VPS25: variants seen among roughly 807,000 people sequenced by gnomAD.
VPS25 encodes vacuolar protein-sorting-associated protein 25.
VPS25 carries 21 observed loss-of-function variants against 30.3 expected under a neutral mutation model. The observed-to-expected ratio is 0.69, with a 90% CI of 0.49 to 1.00. The LOEUF is 1.00. VPS25 is among the 50% of genes least tolerant of loss of function. The pLI, the probability that VPS25 is intolerant of heterozygous loss-of-function variation, is 0.00. For synonymous variants in VPS25, 101 were observed against 88.1 expected, an observed-to-expected ratio of 1.15 and a Z score of -0.82; for missense variants, 156 against 217.2, an observed-to-expected ratio of 0.72 and a Z score of 1.77.
At chr17:42,778,455 G>A (rs1227347362) in intron 5 of VPS25, among the ~76,000 whole-genome samples, 2 of 152,154 alleles carry the variant, frequency 1.3e-5, no homozygotes, top group Non-Finnish European at 2.9e-5. Context: ...AAAGTTCTGG[G>A]ATTACAGGCG....
chr17:42,775,787 A>C (rs3826328), intron 4 of VPS25, among the ~76,000 whole-genome samples: 1,699 of 152,290 alleles, frequency 0.011, 56 homozygotes, highest in South Asian at 0.1. Flanking sequence ...AAGGAAGGGA[A>C]AAAACCTGGG....
chr17:42,776,746 C>T (rs539668356), intron 5 of VPS25, among the ~76,000 whole-genome samples: 7 of 151,958 alleles, frequency 4.6e-5, no homozygotes, highest in South Asian at 4.2e-4. Flanking sequence ...CTGCAACCTC[C>T]GCCTCCTATG....
At chr17:42,773,634 GCCAACA>G in intron 1 of VPS25, 93 bp from the exon 2 acceptor site, 1 of 1,605,380 alleles carries the variant, frequency 6.2e-7, no homozygotes, top group Non-Finnish European at 8.5e-7. Flanking sequence ...AGACCCGTCG[GCCAACA>G]CCCTCAGTCC....
Position 42,778,903 on chromosome 17 carries a change from C to CA in VPS25, c.419-53dup. On this transcript the variant is annotated intron_variant, in intron 5 of 5. Coordinates refer to ENST00000253794, the MANE Select transcript of VPS25 (RefSeq NM_032353.4). ...CGGCTTCCAGCCAGAGCACTCTCCT[C>CA]AGAGGCCTTGGGCCTCAGGAGCTGA... is the stretch of plus-strand genomic sequence containing the variant. 5.1e-6 allele frequency: 8 copies of CA among 1,563,860 alleles called. 1 individual carries two copies. The South Asian group carries it at 9.0e-5, about 18-fold the overall frequency.
At chr17:42,774,372 C>CTTTTTTTTT (rs1161401913) in intron 2 of VPS25, 2 of 219,676 alleles carry the variant, frequency 9.1e-6, no homozygotes, top group African/African-American at 2.6e-5. Context: ...TTCTTTCTTT[C>CTTTTTTTTT]TTTTTTTTTT....
chr17:42,773,484 G>C lies in VPS25; in HGVS notation c.9G>C (p.Met3Ile). 1 of 1,614,216 alleles carries C rather than the reference G, an allele frequency of 6.2e-7. No homozygotes were observed. The highest frequency in any genetic ancestry group is 8.5e-7 in the Non-Finnish European group (1 of 1,180,038). Residue 3 changes from methionine (M) to isoleucine (I), a missense_variant, in exon 1 of 6, where the codon ATG becomes ATC. Physicochemically the swap from Met to Ile is conservative, Grantham distance 10 (BLOSUM62 1). Coordinates refer to ENST00000253794, the MANE Select transcript of VPS25 (RefSeq NM_032353.4). MA[M>I]SFEWPWQYRF... ...TTTCCTGGGCTACTACGATGGCGAT[G>C]AGTTTCGAGTGGCCGTGGCAGTATC...
chr17:42,773,677 G>C lies in VPS25; in HGVS notation c.54-56G>C, dbSNP rs1042896248. 4 of 1,605,062 alleles carry C rather than the reference G, an allele frequency of 2.5e-6. No individual in the cohort carries two copies. The African/African-American group carries it at 5.3e-5, about 21-fold the overall frequency. ...TTACTTTCTTCCTGAAATGCGTCCC[G>C]GGCAAGTGCTGCCTCCCGCCCTCTA... On this transcript the variant is annotated intron_variant, in intron 1 of 5. Coordinates refer to ENST00000253794, the MANE Select transcript of VPS25 (RefSeq NM_032353.4).
At chr17:42,776,353 TTTTTGTTTTG>T (rs370422564) in intron 5 of VPS25, 33 bp downstream of exon 5, 2 of 1,602,598 alleles carry the variant, frequency 1.2e-6, no homozygotes, top group Admixed American at 3.4e-5. Context: ...CATAGTTAAT[TTTTTGTTTTG>T]TTTTGTTTTG....
At chr17:42,774,405 C>A in intron 2 of VPS25, 5 of 314,760 alleles carry the variant, frequency 1.6e-5, no homozygotes, top group East Asian at 4.6e-5. Flanking sequence ...ACAGGGTCTT[C>A]CTCTCTTGCT....
At chr17:42,774,406 C>A in intron 2 of VPS25, 1 of 363,152 alleles carries the variant, frequency 2.8e-6, no homozygotes, top group Non-Finnish European at 4.9e-6. Context: ...CAGGGTCTTC[C>A]TCTCTTGCTC....
Position 42,777,081 on chromosome 17 carries a change from T to C in VPS25, c.418+761T>C, listed in dbSNP as rs546385694. On this transcript the variant is annotated intron_variant, in intron 5 of 5. Transcript: ENST00000253794. ...AAAAAATTTAAAAATCAGCTGGGCA[T>C]GGTGCTGTGCACCAGTAGTCTCAGT... Among the ~76,000 whole-genome samples the C allele has an allele frequency of 2.2e-4, 33 of 152,192 alleles. 1 individual carries two copies. In the South Asian group the frequency reaches 6.4e-3, roughly 30 times the overall value.
At chr17:42,775,057 G>A in intron 3 of VPS25, 1 of 352,212 alleles carries the variant, frequency 2.8e-6, no homozygotes, top group African/African-American at 2.1e-5. Flanking sequence ...TTTTTTTTTG[G>A]GTGGGGAGAT....
chr17:42,776,153 T>A, intron 4 of VPS25, 92 bp from the exon 5 acceptor site: 1 of 1,120,468 alleles, frequency 8.9e-7, no homozygotes, highest in African/African-American at 1.5e-5. Flanking sequence ...GGAATAGGTA[T>A]CATTCCTGGA....
intron 2 of VPS25, 99 bp from the exon 3 acceptor site, chr17:42,774,547 G>A: frequency 2.2e-6 from 2 of 906,362 alleles, no homozygotes; most frequent in Non-Finnish European, 3.6e-6. Flanking sequence ...ATATGTGTGT[G>A]GGAGAGGAAG....
chr17:42,776,429 C>A, intron 5 of VPS25, 109 bp downstream of exon 5: 1 of 979,830 alleles, frequency 1.0e-6, no homozygotes, highest in Non-Finnish European at 1.5e-6. Context: ...ATGTTGCAAT[C>A]TCGGCTCACT....
chr17:42,778,334 C>T (rs2054447618), intron 5 of VPS25, among the ~76,000 whole-genome samples: 1 of 152,152 alleles, frequency 6.6e-6, no homozygotes, highest in Non-Finnish European at 1.5e-5. Flanking sequence ...CAAGTGACCA[C>T]CACCATGCCC....
intron 4 of VPS25, among the ~76,000 whole-genome samples, chr17:42,775,836 C>T (rs1170647124): frequency 6.6e-6 from 1 of 152,210 alleles, no homozygotes; most frequent in African/African-American, 2.4e-5. Context: ...CTGTCCACAA[C>T]ATGAATGAGA....
chr17:42,778,997 G>A lies in VPS25; in HGVS notation c.459G>A (p.Leu153=). 6.2e-7 allele frequency: 1 copy of A among 1,614,100 alleles called. No individual in the cohort carries two copies. Among genetic ancestry groups the A allele is most frequent in the Non-Finnish European group, 8.5e-7 (1 of 1,179,962 alleles). The change falls in exon 6 of 6, where the codon CTG becomes CTA. Residue 153 remains leucine, a synonymous_variant. Transcript: ENST00000253794. The part of the protein sequence containing the change: ...GLDEATLLRA[L]QALQQEHKAE... ...ATGAAGCCACTCTACTGCGGGCTCT[G>A]CAGGCCCTACAGCAGGAGCACAAGG...
rs1265928144 is a variant in VPS25, at chr17:42,775,378, C to T, written c.254-3C>T. On this transcript the variant is annotated splice_region_variant and splice_polypyrimidine_tract_variant and intron_variant, in intron 3 of 5. Transcript: ENST00000253794. ...TATGCTTTCATAAGTATCTGTTTTA[C>T]AGGGAACCTCGAGTGGTTGGATAAG... is the stretch of plus-strand genomic sequence containing the variant. The T allele has an allele frequency of 2.5e-6, 4 of 1,613,216 alleles. No homozygotes were observed. The East Asian group carries it at 8.9e-5, about 36-fold the overall frequency.
Sources: allele counts gnomAD v4.1 joint callset (sites outside exome capture counted in the v4.1 genomes callset), GRCh38; gene constraint gnomAD v4.1.1; transcripts MANE v1.5; gene names NCBI Gene and HGNC (gene_info 2026-07-23, HGNC 2026-07-21).